The following LARP1B variants were observed in gnomAD, a reference collection of about 807,000 sequenced individuals.
LARP1B encodes la-related protein 1B.
In LARP1B, 76 loss-of-function variants were observed where a neutral mutation model predicts 114.2. The ratio of observed to expected loss-of-function variants is 0.67; its 90% confidence interval spans 0.55 to 0.81. LARP1B has a LOEUF of 0.81. LARP1B is among the 30% of genes least tolerant of loss of function. The pLI is 0.00. For synonymous variants in LARP1B, 345 were observed against 348.0 expected, an observed-to-expected ratio of 0.99 and a Z score of 0.10; for missense variants, 1,014 against 1,075.8, an observed-to-expected ratio of 0.94 and a Z score of 0.80.
chr4:128,200,411 C>T, intron 16 of LARP1B, 110 bp from the exon 17 acceptor site: 1 of 720,896 alleles, frequency 1.4e-6, no homozygotes, highest in Non-Finnish European at 2.1e-6. Flanking sequence ...AACCTAAATA[C>T]ACTTTGAGGA....
rs1326149877 is a variant in LARP1B, at chr4:128,093,714, T to C, written c.668+2202T>C. ...GTTGAGGGGTTTTTTTTAAACTTTTTTTTTTTTTTTTTTGAAATGGAGTTT... is the reference window on the plus strand; with the variant it reads ...GTTGAGGGGTTTTTTTTAAACTTTTCTTTTTTTTTTTTTGAAATGGAGTTT... On this transcript the variant is annotated intron_variant, in intron 7 of 19. Coordinates refer to ENST00000326639, the MANE Select transcript of LARP1B (RefSeq NM_018078.4). Among the ~76,000 whole-genome samples the C allele has an allele frequency of 4.3e-5, 6 of 140,234 alleles. No homozygotes were observed. In the East Asian group the frequency reaches 9.7e-4, roughly 23 times the overall value. 92.0% of individuals were successfully genotyped at this position (140,234 alleles called of 152,430 possible).
Position 128,178,612 on chromosome 4 carries a change from T to C in LARP1B, c.1866T>C (p.Val622=), listed in dbSNP as rs1317612831. 8 of 1,613,962 alleles carry C rather than the reference T, an allele frequency of 5.0e-6. No homozygotes were observed. The highest frequency in any genetic ancestry group is 6.8e-6 in the Non-Finnish European group (8 of 1,179,988). The change falls in exon 14 of 20, where the codon GTT becomes GTC. Residue 622 remains valine (V), a synonymous_variant. Coordinates refer to ENST00000326639, the MANE Select transcript of LARP1B (RefSeq NM_018078.4). ...ACAAAACACCAAGATTTTATCCTGT[T>C]GTTAAAGAACCAAAAGCCATTGATG... ...DPNKTPRFYP[V]VKEPKAIDVK... is the part of the protein sequence containing the mutation.
At chr4:128,129,063 G>A (rs1790603978) in intron 11 of LARP1B, among the ~76,000 whole-genome samples, 1 of 150,444 alleles carries the variant, frequency 6.6e-6, no homozygotes, top group Non-Finnish European at 1.5e-5. Context: ...TACTCAGGAG[G>A]TTGAGGCAGG....
chr4:128,164,866 T>G (rs766262247), intron 12 of LARP1B, among the ~76,000 whole-genome samples: 1 of 152,020 alleles, frequency 6.6e-6, no homozygotes, highest in African/African-American at 2.4e-5. Context: ...CCAGTTATAG[T>G]AGAATGTATT....
intron 11 of LARP1B, 76 bp downstream of exon 11, chr4:128,122,264 T>C (rs748518142): frequency 6.4e-7 from 1 of 1,557,714 alleles, no homozygotes; most frequent in Non-Finnish European, 8.7e-7. Flanking sequence ...TTTCTCAAAC[T>C]TGAGGCTCTA....
chr4:128,141,989 G>A (rs977970556), intron 11 of LARP1B, among the ~76,000 whole-genome samples: 2 of 152,272 alleles, frequency 1.3e-5, no homozygotes, highest in South Asian at 2.1e-4. Flanking sequence ...TGGTATAAAG[G>A]TGGACATGCT....
At position 128,078,556 on chromosome 4, in the gene LARP1B, G is replaced by A. The variant is rs545464990; in HGVS notation, c.217+594G>A. ...GTGGAGGTTGCAGTGAGCCGAGGTC[G>A]CGCCATTGCACTCCAGCCTGGGCGG... On this transcript the variant is annotated intron_variant, in intron 4 of 19. Coordinates refer to ENST00000326639, the MANE Select transcript of LARP1B (RefSeq NM_018078.4). Among the ~76,000 whole-genome samples, 6 of 151,298 alleles carry A rather than the reference G, an allele frequency of 4.0e-5. No individual in the cohort carries two copies. The East Asian group carries it at 9.7e-4, about 25-fold the overall frequency.
chr4:128,219,341 C>G (rs1759793308), intron 6 of LARP1B, among the ~76,000 whole-genome samples: 1 of 93,256 alleles, frequency 1.1e-5, no homozygotes, highest in Non-Finnish European at 2.1e-5. Flanking sequence ...AAGACACATG[C>G]ACACGTATGT....
At chr4:128,148,911 G>A (rs1032697635) in intron 11 of LARP1B, among the ~76,000 whole-genome samples, 1 of 152,312 alleles carries the variant, frequency 6.6e-6, no homozygotes, top group African/African-American at 2.4e-5. Flanking sequence ...ACAGGCATGA[G>A]CCACTGCACC....
At chr4:128,108,619 A>G (rs1782899136) in intron 9 of LARP1B, 2 of 985,312 alleles carry the variant, frequency 2.0e-6, no homozygotes, top group Non-Finnish European at 1.2e-6. Context: ...CAGGCATTTT[A>G]AAAGCTGAAG....
Position 128,206,946 on chromosome 4 carries a change from T to G in LARP1B, c.2420-310T>G, listed in dbSNP as rs1399783988. 8.5e-6 allele frequency: 5 copies of G among 589,416 alleles called. No homozygotes were observed. The African/African-American group carries it at 1.0e-4, about 12-fold the overall frequency. 36.5% of individuals were successfully genotyped at this position (589,416 alleles called of 1,614,324 possible). A position where few individuals can be genotyped will look rare whatever the true frequency, so the allele number is the denominator to read the frequency against. On this transcript the variant is annotated intron_variant, in intron 18 of 19. Transcript: ENST00000326639. ...CCACTATTTAGAAGCTATGTGATTG[T>G]GGGTAAATTGCCTACCCTTGCTAGC...
intron 7 of LARP1B, among the ~76,000 whole-genome samples, chr4:128,095,975 C>T (rs6848981): frequency 0.97 from 145,144 of 149,650 alleles, 70,418 homozygotes; most frequent in East Asian, 1. Context: ...CTCTCATTTA[C>T]ATATATGGAG....
chr4:128,111,769 C>A (rs1784195289), intron 9 of LARP1B, among the ~76,000 whole-genome samples: 1 of 152,044 alleles, frequency 6.6e-6, no homozygotes, highest in Non-Finnish European at 1.5e-5. Flanking sequence ...GCAACCTCCG[C>A]CTCCTGGGTT....
At chr4:128,109,965 G>A (rs761420065) in intron 9 of LARP1B, among the ~76,000 whole-genome samples, 1 of 152,078 alleles carries the variant, frequency 6.6e-6, no homozygotes, top group Admixed American at 6.6e-5. Flanking sequence ...GTACAGTGGC[G>A]CAGTCTCGGC....
chr4:128,222,133 A>G (rs1442267385), intron 7 of LARP1B, among the ~76,000 whole-genome samples: 2 of 152,176 alleles, frequency 1.3e-5, no homozygotes, highest in Non-Finnish European at 2.9e-5. Flanking sequence ...TTGTCCTAAC[A>G]TAGTGGTTTA....
At position 128,133,140 on chromosome 4, in the gene LARP1B, A is replaced by G. The variant is rs564337756; in HGVS notation, c.1524+10952A>G. On this transcript the variant is annotated intron_variant, in intron 11 of 19. Coordinates refer to ENST00000326639, the MANE Select transcript of LARP1B (RefSeq NM_018078.4). ...TGCTCACTTGCCCACCCACCACTCA[A>G]CCGTGGTTCCTAACAGGCTACAGAC... Among the ~76,000 whole-genome samples the G allele has an allele frequency of 4.6e-5, 7 of 152,260 alleles. No homozygotes were observed. The South Asian group carries it at 1.2e-3, about 27-fold the overall frequency.
At chr4:128,164,925 A>G (rs570591673) in intron 12 of LARP1B, among the ~76,000 whole-genome samples, 1 of 152,294 alleles carries the variant, frequency 6.6e-6, no homozygotes, top group South Asian at 2.1e-4. Context: ...GCAGTGGAAA[A>G]TGAAAGAACT....
intron 11 of LARP1B, among the ~76,000 whole-genome samples, chr4:128,156,695 T>C (rs1735828967): frequency 6.6e-6 from 1 of 152,020 alleles, no homozygotes; most frequent in African/African-American, 2.4e-5. Flanking sequence ...ACCGCACAGC[T>C]TGGGAGGTGC....
Position 128,178,638 on chromosome 4 carries a change from TA to T in LARP1B, c.1895del (p.Lys632ArgfsTer16). On this transcript the variant is annotated frameshift_variant, in exon 14 of 20. Transcript: ENST00000326639. LOFTEE classifies it high-confidence loss of function. ...PVVKEPKAID[V>X]KSPRKRKTRH... is the part of the protein sequence containing the mutation. ...GTTAAAGAACCAAAAGCCATTGATG[TA>T]AAGGTATACAAAACAACCAGGAATA... is the stretch of plus-strand genomic sequence containing the variant. 6.2e-7 allele frequency: 1 copy of T among 1,611,222 alleles called. No individual in the cohort carries two copies. The highest frequency in any genetic ancestry group is 8.5e-7 in the Non-Finnish European group (1 of 1,177,478).
Sources: gnomAD v4.1 joint callset for allele counts (sites outside exome capture counted in the v4.1 genomes callset) on GRCh38, gnomAD v4.1.1 for gene constraint, MANE v1.5 for transcripts, NCBI Gene and HGNC (gene_info 2026-07-23, HGNC 2026-07-21) for gene names.